The following SLC26A5 variants were observed in gnomAD, a reference collection of about 807,000 sequenced individuals.
SLC26A5 encodes the protein prestin.
SLC26A5 carries 51 observed loss-of-function variants against 81.0 expected under a neutral mutation model. The ratio of observed to expected loss-of-function variants is 0.63; its 90% CI spans 0.50 to 0.80. SLC26A5 has a LOEUF of 0.80. Ranked by LOEUF, SLC26A5 falls within the 30% of genes least tolerant of loss-of-function variation. The pLI is 0.00. For synonymous variants in SLC26A5, 325 were observed against 332.8 expected (o/e 0.98, Z 0.25); for missense variants, 771 against 905.8 (o/e 0.85, Z 1.91).
At chr7:103,382,346 C>CA (rs1821865335) in intron 14 of SLC26A5, among the ~76,000 whole-genome samples, 1 of 114,348 alleles carries the variant, frequency 8.7e-6, no homozygotes, top group Non-Finnish European at 1.8e-5. Flanking sequence ...GCCCTATTTC[C>CA]TTTTTTTTTT....
chr7:103,409,933 T>C (rs1824350237), intron 7 of SLC26A5, among the ~76,000 whole-genome samples: 1 of 152,156 alleles, frequency 6.6e-6, no homozygotes, highest in Admixed American at 6.6e-5. Context: ...AGTCTCGATC[T>C]CCTGACCTCG....
At chr7:103,359,796 TTGAC>T (rs1174283602) in intron 19 of SLC26A5, among the ~76,000 whole-genome samples, 2 of 152,162 alleles carry the variant, frequency 1.3e-5, no homozygotes. Context: ...AGGTTTTTGT[TTGAC>T]TGGGCGCAGT....
chr7:103,390,518 A>T lies in SLC26A5; in HGVS notation c.1234-12T>A, dbSNP rs547894612. On this transcript the variant is annotated splice_polypyrimidine_tract_variant and intron_variant, in intron 11 of 19. Coordinates refer to ENST00000306312, the MANE Select transcript of SLC26A5 (RefSeq NM_198999.3). The stretch of plus-strand genomic sequence containing the variant: ...AAACAACCTGCAAGCTGAATGAGAG[A>T]AGACACATGGAAGGGGCTTTTAGGA... 1.2e-6 allele frequency: 2 copies of T among 1,612,734 alleles called. No individual in the cohort carries two copies. The highest frequency in any genetic ancestry group is 1.1e-5 in the South Asian group (1 of 91,056).
intron 19 of SLC26A5, among the ~76,000 whole-genome samples, chr7:103,375,960 T>C (rs1444198292): frequency 6.6e-6 from 1 of 151,700 alleles, no homozygotes; most frequent in Non-Finnish European, 1.5e-5. Context: ...TTTCACCGTG[T>C]TAGCCAAGAT....
chr7:103,432,945 A>G (rs1260980809), intron 2 of SLC26A5, among the ~76,000 whole-genome samples: 1 of 152,152 alleles, frequency 6.6e-6, no homozygotes, highest in African/African-American at 2.4e-5. Context: ...AGGAAGTATA[A>G]TTTTGAACCT....
chr7:103,380,624 A>G, intron 14 of SLC26A5, 75 bp from the exon 15 acceptor site: 1 of 1,387,128 alleles, frequency 7.2e-7, no homozygotes, highest in South Asian at 1.2e-5. Context: ...GTGTATGTTT[A>G]TGTCAGGTTG....
At chr7:103,394,953 C>T (rs756215219) in intron 9 of SLC26A5, among the ~76,000 whole-genome samples, 3 of 152,158 alleles carry the variant, frequency 2.0e-5, no homozygotes, top group Non-Finnish European at 4.4e-5. Context: ...GGAGATACCA[C>T]ATGTAGAGAA....
chr7:103,368,957 C>CA (rs2116284923), intron 19 of SLC26A5: 1 of 152,122 alleles, frequency 6.6e-6, no homozygotes, highest in South Asian at 2.1e-4. Flanking sequence ...CCTGTGTAAC[C>CA]ACCACCAAAT....
intron 2 of SLC26A5, chr7:103,433,430 G>A (rs540754706): frequency 6.6e-6 from 1 of 152,296 alleles, no homozygotes; most frequent in African/African-American, 2.4e-5. Context: ...TGTGTTGCTA[G>A]AAGTGCCATC....
intron 2 of SLC26A5, among the ~76,000 whole-genome samples, chr7:103,432,981 G>C (rs1434531219): frequency 6.6e-6 from 1 of 152,142 alleles, no homozygotes; most frequent in Admixed American, 6.5e-5. Flanking sequence ...CACAGGCCCA[G>C]GGTTTTGTTT....
In SLC26A5 at chr7:103,377,680, TGGGG is replaced by T; in HGVS notation, c.1901_1904del (p.Pro634GlnfsTer23). The T allele has an allele frequency of 6.2e-7, 1 of 1,614,082 alleles. No individual in the cohort carries two copies. The highest frequency in any genetic ancestry group is 1.1e-5 in the South Asian group (1 of 91,074). On this transcript the variant is annotated frameshift_variant, in exon 18 of 20. Transcript: ENST00000306312. LOFTEE classifies it high-confidence loss of function. The stretch of plus-strand genomic sequence containing the variant: ...AAATGACAGTGTGGACGTTATCCCC[TGGGG>T]GCATAAATCTTTGCATTTCCTCAGG...
intron 4 of SLC26A5, among the ~76,000 whole-genome samples, chr7:103,420,153 G>A (rs1210193157): frequency 6.6e-6 from 1 of 152,106 alleles, no homozygotes; most frequent in Non-Finnish European, 1.5e-5. Context: ...GGACTCAGAA[G>A]CCACAAACCT....
At chr7:103,423,706 C>G (rs1825524909) in intron 2 of SLC26A5, among the ~76,000 whole-genome samples, 1 of 152,080 alleles carries the variant, frequency 6.6e-6, no homozygotes, top group South Asian at 2.1e-4. Context: ...GACACCTGGC[C>G]CTTACCAGCT....
chr7:103,364,160 C>T, intron 19 of SLC26A5: 1 of 1,613,968 alleles, frequency 6.2e-7, no homozygotes, highest in Non-Finnish European at 8.5e-7. Flanking sequence ...GGTTTGTGAA[C>T]CTTGGCATTG....
In SLC26A5 at chr7:103,379,323, G is replaced by T. The variant is rs201640138; in HGVS notation, c.1597C>A (p.Pro533Thr). ...IDAYEEVKEI[P>T]GIKIFQINAP... ...TTTATTTGAAATATTTTTATTCCAG[G>T]AATTTCTTTCACCTGAAGAGTAAAA... Residue 533 changes from proline (P) to threonine (T), a missense_variant, in exon 16 of 20, where the codon CCT (proline) becomes ACT (threonine). Transcript: ENST00000306312. 1 of 1,602,996 alleles carries T rather than the reference G, an allele frequency of 6.2e-7. No homozygotes were observed. Among genetic ancestry groups the T allele is most frequent in the Non-Finnish European group, 8.5e-7 (1 of 1,170,768 alleles).
In SLC26A5 at chr7:103,397,949, A is replaced by G. The variant is rs759669551; in HGVS notation, c.954T>C (p.Val318=). The G allele has an allele frequency of 3.7e-6, 6 of 1,614,022 alleles. No homozygotes were observed. Among genetic ancestry groups the G allele is most frequent in the Non-Finnish European group, 5.1e-6 (6 of 1,179,912 alleles). Reference sequence around the variant, plus strand: ...TTTCCTACCCTAGAGGAAGTGTTCCAACGACATCCACATTGTATGATTCTT... The same window carrying G: ...TTTCCTACCCTAGAGGAAGTGTTCCGACGACATCCACATTGTATGATTCTT... ...NLKESYNVDV[V]GTLPLGLLPP... is the part of the protein sequence containing the mutation. The change falls in exon 9 of 20, where the codon GTT becomes GTC. Residue 318 remains valine, a synonymous_variant. Transcript: ENST00000306312.
chr7:103,436,168 A>G (rs1443260217), intron 2 of SLC26A5, among the ~76,000 whole-genome samples: 1 of 152,158 alleles, frequency 6.6e-6, no homozygotes, highest in Non-Finnish European at 1.5e-5. Context: ...CACACATTAT[A>G]AGCCTAAGTG....
At chr7:103,402,393 C>CT (rs541398228) in intron 8 of SLC26A5, among the ~76,000 whole-genome samples, 30,994 of 124,448 alleles carry the variant, frequency 0.25, 4,522 homozygotes, top group East Asian at 0.43. Context: ...ACGTATTGCT[C>CT]TTTTTTTTTT....
At chr7:103,352,819 C>A in exon 20 of SLC26A5, 1 of 780,428 alleles carries the variant, frequency 1.3e-6, no homozygotes, top group South Asian at 1.3e-5. Flanking sequence ...CTAACAGATT[C>A]CAGAGCTGGC....
Sources: gnomAD v4.1 joint callset for allele counts (sites outside exome capture counted in the v4.1 genomes callset) on GRCh38, gnomAD v4.1.1 for gene constraint, MANE v1.5 for transcripts, NCBI Gene and HGNC (gene_info 2026-07-23, HGNC 2026-07-21) for gene names.